UNC5A: variants seen among roughly 807,000 people sequenced by gnomAD.
The protein encoded by UNC5A is unc-5 netrin receptor A.
Under a neutral mutation model 87.4 loss-of-function variants are expected in UNC5A, and 20 were observed. The observed-to-expected ratio is 0.23, with a 90% confidence interval of 0.16 to 0.33. The LOEUF (loss-of-function observed/expected upper bound fraction) is 0.33, where lower values mean the gene tolerates loss of function less well. Ranked by LOEUF, UNC5A falls within the 10% of genes least tolerant of loss-of-function variation. The probability of loss-of-function intolerance (pLI) is 1.00; values close to 1 mark genes in which losing one functional copy is unlikely to be tolerated. For synonymous variants in UNC5A, 438 were observed against 482.3 expected (o/e 0.91, Z 1.20); for missense variants, 844 against 1,133.4 (o/e 0.74, Z 3.67).
rs892971634 is a variant in UNC5A, at chr5:176,865,535, C to T, written c.293-2595C>T. ...AGGGTCCTCTTCTGCCCCGAGCATC[C>T]GACTCCAGCCTCCCATGGCCGGAAC... On this transcript the variant is annotated intron_variant, in intron 2 of 14. Transcript: ENST00000329542. This position sits in a 1 kb window ranked among gnomAD's most constrained non-coding sequence, Gnocchi z 5.3. 2.2e-5 allele frequency: 10 copies of T among 454,306 alleles called. No individual in the cohort carries two copies. The highest frequency in any genetic ancestry group is 1.0e-4 in the African/African-American group (5 of 50,042). The allele number at this position is 454,306 out of a possible 1,614,324, so 28.1% of individuals were successfully genotyped here.
chr5:176,877,302 C>G (rs376627568), intron 9 of UNC5A, 23 bp downstream of exon 9: 3 of 1,601,308 alleles, frequency 1.9e-6, no homozygotes, highest in South Asian at 2.2e-5. Context: ...GCCCTGTTGC[C>G]GGGGGTGGGA....
chr5:176,868,432 C>A, intron 3 of UNC5A, 129 bp from the exon 4 acceptor site: 1 of 1,435,254 alleles, frequency 7.0e-7, no homozygotes, highest in Non-Finnish European at 9.5e-7. Context: ...CCAGCCACCC[C>A]ATGGCCCCCT....
At position 176,865,246 on chromosome 5, in the gene UNC5A, C is replaced by G. The variant is rs1757944026; in HGVS notation, c.292+2401C>G. Among the ~76,000 whole-genome samples, 1 of 152,244 alleles carries G rather than the reference C, an allele frequency of 6.6e-6. No homozygotes were observed. The highest frequency in any genetic ancestry group is 2.4e-5 in the African/African-American group (1 of 41,462). On this transcript the variant is annotated intron_variant, in intron 2 of 14. Coordinates refer to ENST00000329542, the MANE Select transcript of UNC5A (RefSeq NM_133369.3). The surrounding 1 kb of genome is among the most constrained non-coding windows in gnomAD (Gnocchi z 5.3). The stretch of plus-strand genomic sequence containing the variant: ...GCTGCTCTCCTGCAGCCTGGAAGCT[C>G]CAGTCCAGCCCCCTGCTGCTCCCAG...
rs1758236845 is a variant in UNC5A, at chr5:176,875,361, C to A, written c.1378+795C>A. Among the ~76,000 whole-genome samples, 1 of 152,060 alleles carries A rather than the reference C, an allele frequency of 6.6e-6. No individual in the cohort carries two copies. Among genetic ancestry groups the A allele is most frequent in the African/African-American group, 2.4e-5 (1 of 41,392 alleles). ...GTGCCTAAAACAGAACCGTCTCCCA[C>A]CCTCCCCCAGAGCCTCCCCATTCCT... is the stretch of plus-strand genomic sequence containing the variant. On this transcript the variant is annotated intron_variant, in intron 8 of 14. Coordinates refer to ENST00000329542, the MANE Select transcript of UNC5A (RefSeq NM_133369.3). This position sits in a 1 kb window ranked among gnomAD's most constrained non-coding sequence, Gnocchi z 5.2.
intron 1 of UNC5A, among the ~76,000 whole-genome samples, chr5:176,860,821 G>A (rs144087073): frequency 0.016 from 2,380 of 152,302 alleles, 25 homozygotes; most frequent in African/African-American, 0.019. Context: ...ACAGAGCTGC[G>A]GAACATGCGG....
At chr5:176,837,446 G>A (rs1190457176) in intron 1 of UNC5A, among the ~76,000 whole-genome samples, 1 of 152,160 alleles carries the variant, frequency 6.6e-6, no homozygotes, top group Non-Finnish European at 1.5e-5. Flanking sequence ...CCCTAGCAGA[G>A]GCCGGCTGAA....
rs143149201 is a variant in UNC5A at position 176,835,512 on chromosome 5, C to T, written c.70+24692C>T. On this transcript the variant is annotated intron_variant, in intron 1 of 14. Coordinates refer to ENST00000329542, the MANE Select transcript of UNC5A (RefSeq NM_133369.3). The stretch of plus-strand genomic sequence containing the variant: ...AGATGCTCCAGAGCCTCCGACTCAT[C>T]GCTCCCTGTGCTGGCATTTTCCTGC... Among the ~76,000 whole-genome samples the T allele has an allele frequency of 2.0e-4, 30 of 152,346 alleles. 1 individual carries two copies. In the East Asian group the frequency reaches 3.7e-3, roughly 19 times the overall value.
chr5:176,874,604 C>A lies in UNC5A; in HGVS notation c.1378+38C>A, dbSNP rs1461343216. 1 of 1,495,346 alleles carries A rather than the reference C, an allele frequency of 6.7e-7. No individual in the cohort carries two copies. Among genetic ancestry groups the A allele is most frequent in the African/African-American group, 1.4e-5 (1 of 71,236 alleles). The allele number at this position is 1,495,346 out of a possible 1,614,324, so 92.6% of individuals were successfully genotyped here. A position where few individuals can be genotyped will look rare whatever the true frequency, so the allele number is the denominator to read the frequency against. On this transcript the variant is annotated intron_variant, in intron 8 of 14. Coordinates refer to ENST00000329542, the MANE Select transcript of UNC5A (RefSeq NM_133369.3). This position sits in a 1 kb window ranked among gnomAD's most constrained non-coding sequence, Gnocchi z 7.6. ...CCAGGGGGCTCTGAGAGCTCCACTT[C>A]CCTCCTGGAGGAGGACGGGACAGCC...
intron 1 of UNC5A, among the ~76,000 whole-genome samples, chr5:176,828,188 A>T (rs1489250772): frequency 6.6e-6 from 1 of 152,206 alleles, no homozygotes; most frequent in East Asian, 1.9e-4. Flanking sequence ...ACAATGCGGC[A>T]GGCTGGGTGC....
rs1014724141 is a variant in UNC5A, at chr5:176,866,218, C to G, written c.293-1912C>G. On this transcript the variant is annotated intron_variant, in intron 2 of 14. Transcript: ENST00000329542. The surrounding 1 kb of genome is among the most constrained non-coding windows in gnomAD (Gnocchi z 5.0). Reference sequence around the variant, plus strand: ...CCAGGAACCAGGCTGCCTGATGATCCACAAGAGGAGAGCGCACAGCCCCTC... The same window carrying G: ...CCAGGAACCAGGCTGCCTGATGATCGACAAGAGGAGAGCGCACAGCCCCTC... Among the ~76,000 whole-genome samples the G allele has an allele frequency of 6.6e-6, 1 of 152,170 alleles. No homozygotes were observed. The highest frequency in any genetic ancestry group is 1.5e-5 in the Non-Finnish European group (1 of 68,028).
intron 1 of UNC5A, 38 bp from the exon 2 acceptor site, chr5:176,862,586 T>C: frequency 6.3e-7 from 1 of 1,596,748 alleles, no homozygotes; most frequent in Non-Finnish European, 8.6e-7. Flanking sequence ...CTGCCCAGTC[T>C]GGCCCCTGGC....
intron 2 of UNC5A, among the ~76,000 whole-genome samples, chr5:176,863,260 G>A (rs1757886195): frequency 6.6e-6 from 1 of 152,204 alleles, no homozygotes; most frequent in African/African-American, 2.4e-5. Context: ...CGGTTAGGGA[G>A]TGCAGAAGGG....
chr5:176,856,990 C>G (rs907986131), intron 1 of UNC5A, among the ~76,000 whole-genome samples: 1 of 152,260 alleles, frequency 6.6e-6, no homozygotes, highest in Middle Eastern at 3.2e-3. Context: ...GCCCAGCTGC[C>G]TCCTGCCTTA....
chr5:176,840,156 C>T (rs1366412950), intron 1 of UNC5A, among the ~76,000 whole-genome samples: 1 of 152,222 alleles, frequency 6.6e-6, no homozygotes, highest in Non-Finnish European at 1.5e-5. Context: ...CGCGCCTGGC[C>T]TCTTCATTAA....
At chr5:176,834,751 T>TCTCC (rs1757111313) in intron 1 of UNC5A, among the ~76,000 whole-genome samples, 1 of 150,964 alleles carries the variant, frequency 6.6e-6, no homozygotes, top group African/African-American at 2.4e-5. Flanking sequence ...TCTCCCTCTC[T>TCTCC]CTCTCCCTTT....
At chr5:176,843,812 T>G (rs1389890685) in intron 1 of UNC5A, among the ~76,000 whole-genome samples, 1 of 152,100 alleles carries the variant, frequency 6.6e-6, no homozygotes. Flanking sequence ...CCGGCCGTGG[T>G]GTGTGATGGG....
intron 1 of UNC5A, among the ~76,000 whole-genome samples, chr5:176,851,345 G>C (rs1757536828): frequency 1.3e-5 from 2 of 152,212 alleles, no homozygotes; most frequent in Non-Finnish European, 2.9e-5. Flanking sequence ...GCCAAGGGCA[G>C]GCGACTGTGT....
chr5:176,842,349 C>A (rs898752213), intron 1 of UNC5A, among the ~76,000 whole-genome samples: 5 of 152,176 alleles, frequency 3.3e-5, no homozygotes, highest in African/African-American at 1.2e-4. Context: ...TCCAGGAATG[C>A]CACTACTGGG....
intron 1 of UNC5A, among the ~76,000 whole-genome samples, chr5:176,854,949 C>G (rs1757630801): frequency 6.6e-6 from 1 of 152,144 alleles, no homozygotes; most frequent in African/African-American, 2.4e-5. Flanking sequence ...TTTGAGCAGA[C>G]CTTGAAGAAT....
Sources: gnomAD v4.1 joint callset for allele counts (sites outside exome capture counted in the v4.1 genomes callset) on GRCh38, gnomAD v4.1.1 for gene constraint, Gnocchi (gnomAD v3.1) non-coding constraint, MANE v1.5 for transcripts, NCBI Gene and HGNC (gene_info 2026-07-23, HGNC 2026-07-21) for gene names.